CCNY: variants seen among roughly 807,000 people sequenced by gnomAD.
CCNY encodes cyclin-Y.
A neutral mutation model predicts 42.8 loss-of-function variants in CCNY; 19 were observed. The ratio of observed to expected loss-of-function variants is 0.44; its 90% confidence interval spans 0.31 to 0.65. The LOEUF (loss-of-function observed/expected upper bound fraction) is 0.65, where lower values mean the gene tolerates loss of function less well. Ranked by LOEUF, CCNY falls within the 30% of genes least tolerant of loss-of-function variation. The pLI is 0.07. For synonymous variants in CCNY, 165 were observed against 162.7 expected (o/e 1.01, Z -0.11); for missense variants, 370 against 437.3 (o/e 0.85, Z 1.37).
intron 2 of CCNY, among the ~76,000 whole-genome samples, chr10:35,484,216 T>A (rs1839736874): frequency 6.6e-6 from 1 of 152,170 alleles, no homozygotes. Flanking sequence ...GATGCTGGAG[T>A]CCTACATGAT....
chr10:35,413,504 G>A (rs1005099517), intron 1 of CCNY, among the ~76,000 whole-genome samples: 3 of 152,214 alleles, frequency 2.0e-5, no homozygotes, highest in Non-Finnish European at 4.4e-5. Context: ...CCCTAAAAAT[G>A]TATATTTGAG....
intron 3 of CCNY, among the ~76,000 whole-genome samples, chr10:35,255,028 T>G (rs1206090313): frequency 6.6e-6 from 1 of 152,192 alleles, no homozygotes; most frequent in African/African-American, 2.4e-5. Context: ...TGGGTAACTT[T>G]CCATGTACAC....
intron 3 of CCNY, among the ~76,000 whole-genome samples, chr10:35,510,194 C>CTAA (rs769872916): frequency 6.6e-6 from 1 of 152,144 alleles, no homozygotes; most frequent in African/African-American, 2.4e-5. Flanking sequence ...TTCTTTTCCT[C>CTAA]TAATAATAAT....
At chr10:35,503,157 C>T (rs1690734610) in intron 3 of CCNY, among the ~76,000 whole-genome samples, 1 of 152,154 alleles carries the variant, frequency 6.6e-6, no homozygotes, top group Non-Finnish European at 1.5e-5. Flanking sequence ...GCACCTGCCA[C>T]ACACTTGAGA....
intron 3 of CCNY, among the ~76,000 whole-genome samples, chr10:35,510,607 G>T (rs931473309): frequency 6.6e-6 from 1 of 152,160 alleles, no homozygotes; most frequent in Admixed American, 6.5e-5. Flanking sequence ...AAAGCCTAGA[G>T]ACTCTTAAGT....
At chr10:35,249,588 C>T (rs748545525) in intron 2 of CCNY, among the ~76,000 whole-genome samples, 1 of 152,064 alleles carries the variant, frequency 6.6e-6, no homozygotes, top group Non-Finnish European at 1.5e-5. Flanking sequence ...ACAAAATAGC[C>T]CAAGATACTG....
At chr10:35,321,099 G>A (rs1227845765) in intron 3 of CCNY, 3 of 137,682 alleles carry the variant, frequency 2.2e-5, no homozygotes, top group East Asian at 2.2e-4. Flanking sequence ...CTGGGTGACA[G>A]AGTGAGGCTT....
intron 3 of CCNY, among the ~76,000 whole-genome samples, chr10:35,515,997 T>G (rs1350321995): frequency 6.6e-6 from 1 of 152,214 alleles, no homozygotes; most frequent in Admixed American, 6.5e-5. Context: ...AAAGCAATAT[T>G]TTTTCATTAT....
intron 7 of CCNY, among the ~76,000 whole-genome samples, chr10:35,532,881 G>C (rs1012781351): frequency 6.6e-6 from 1 of 152,224 alleles, no homozygotes; most frequent in African/African-American, 2.4e-5. Context: ...GGGATCTTCT[G>C]TTGGAAGGAT....
intron 8 of CCNY, among the ~76,000 whole-genome samples, chr10:35,559,953 G>A (rs936817287): frequency 1.3e-5 from 2 of 152,192 alleles, no homozygotes; most frequent in South Asian, 2.1e-4. Context: ...GCTAGATTTC[G>A]GGCTTGCTGG....
In CCNY at chr10:35,276,687, G is replaced by A. The variant is rs554556567; in HGVS notation, c.-9+26061G>A. Among the ~76,000 whole-genome samples, 58 of 152,286 alleles carry A rather than the reference G, an allele frequency of 3.8e-4. No individual in the cohort carries two copies. In the South Asian group the frequency reaches 8.9e-3, roughly 23 times the overall value. ...AGGCACGAGCCACTGTGCCTGGCAG[G>A]GAGCCCAGTTGTGAACAGTATCCCC... On this transcript the variant is annotated intron_variant, in intron 3 of 11. Transcript: ENST00000374706.
chr10:35,260,502 CA>C (rs981030887), intron 3 of CCNY, among the ~76,000 whole-genome samples: 2 of 152,182 alleles, frequency 1.3e-5, no homozygotes, highest in African/African-American at 4.8e-5. Flanking sequence ...AGAAAGCATC[CA>C]GTTGGCAAAC....
In CCNY at chr10:35,270,547, A is replaced by G. The variant is rs192199965; in HGVS notation, c.-9+19921A>G. 6.7e-4 allele frequency among the ~76,000 whole-genome samples: 102 copies of G among 152,094 alleles called. 1 individual carries two copies. Among genetic ancestry groups the G allele is most frequent in the African/African-American group, 2.2e-3 (91 of 41,504 alleles). On this transcript the variant is annotated intron_variant, in intron 3 of 11. Transcript: ENST00000374706. ...GCAAAAATTAAAATTTTAAAATAAC[A>G]TATTTTTGGTTTTTGCCTGAATTGG...
At chr10:35,445,646 CCTAGGATCTTGA>C (rs1398285655) in intron 1 of CCNY, among the ~76,000 whole-genome samples, 1 of 152,066 alleles carries the variant, frequency 6.6e-6, no homozygotes, top group Non-Finnish European at 1.5e-5. Context: ...GACTACTTTT[CCTAGGATCTTGA>C]CTAGGAAAGG....
chr10:35,529,291 T>C (rs1840715317), intron 5 of CCNY, among the ~76,000 whole-genome samples: 1 of 152,224 alleles, frequency 6.6e-6, no homozygotes, highest in Non-Finnish European at 1.5e-5. Context: ...TATTCATTCT[T>C]ACCCTGGCGC....
chr10:35,401,453 C>T (rs147672438), intron 1 of CCNY, among the ~76,000 whole-genome samples: 1 of 152,014 alleles, frequency 6.6e-6, no homozygotes, highest in Non-Finnish European at 1.5e-5. Context: ...ACAGCTATAA[C>T]AAAAATTTAT....
At chr10:35,498,539 G>A (rs1188044644) in intron 2 of CCNY, among the ~76,000 whole-genome samples, 1 of 152,150 alleles carries the variant, frequency 6.6e-6, no homozygotes, top group Non-Finnish European at 1.5e-5. Flanking sequence ...AGCCCTTTGA[G>A]TATGTCCCAA....
chr10:35,458,148 T>A lies in CCNY; in HGVS notation c.155-25256T>A, dbSNP rs527958262. Among the ~76,000 whole-genome samples, 10 of 152,346 alleles carry A rather than the reference T, an allele frequency of 6.6e-5. No individual in the cohort carries two copies. The East Asian group carries it at 1.9e-3, about 29-fold the overall frequency. ...TTCCTACAAGCTGTTTCTGCATACT[T>A]GTGCTTGACTGCTGTAGAGGAACTG... On this transcript the variant is annotated intron_variant, in intron 1 of 9. Transcript: ENST00000374704.
chr10:35,465,365 G>T (rs1839237892), intron 1 of CCNY, among the ~76,000 whole-genome samples: 1 of 152,092 alleles, frequency 6.6e-6, no homozygotes, highest in South Asian at 2.1e-4. Context: ...ACCCAGTGAG[G>T]TCGTCACGTA....
Sources: gnomAD v4.1 joint callset for allele counts (sites outside exome capture counted in the v4.1 genomes callset) on GRCh38, gnomAD v4.1.1 for gene constraint, MANE v1.5 for transcripts, NCBI Gene and HGNC (gene_info 2026-07-23, HGNC 2026-07-21) for gene names.